HIPK2: variants seen among roughly 807,000 people sequenced by gnomAD.
The protein encoded by HIPK2 is homeodomain interacting protein kinase 2, also known as homeodomain-interacting protein kinase 2.
HIPK2 carries 27 observed loss-of-function variants against 113.7 expected under a neutral mutation model. The observed-to-expected ratio is 0.24, with a 90% confidence interval of 0.17 to 0.33. The LOEUF (loss-of-function observed/expected upper bound fraction) is 0.33. HIPK2 is among the 10% of genes least tolerant of loss of function. The pLI is 1.00. For missense variants in HIPK2, 1,257 were observed against 1,588.0 expected (o/e 0.79, Z 3.54); for synonymous variants, 631 against 642.2 (o/e 0.98, Z 0.26).
intron 2 of HIPK2, among the ~76,000 whole-genome samples, chr7:139,712,221 C>G (rs1569478970): frequency 6.6e-6 from 1 of 152,228 alleles, no homozygotes; most frequent in Non-Finnish European, 1.5e-5. Context: ...GTGGGCTTGC[C>G]TCACAGAATA....
At chr7:139,681,796 G>T (rs1802709604) in intron 2 of HIPK2, among the ~76,000 whole-genome samples, 1 of 152,166 alleles carries the variant, frequency 6.6e-6, no homozygotes, top group African/African-American at 2.4e-5. Context: ...GGTCCATGCA[G>T]CCACCACTGC....
At chr7:139,718,181 A>G (rs146672346) in intron 1 of HIPK2, among the ~76,000 whole-genome samples, 100 of 152,356 alleles carry the variant, frequency 6.6e-4, no homozygotes, top group African/African-American at 2.2e-3. Flanking sequence ...TATTAAGCAA[A>G]AATAATAAGG....
At chr7:139,648,564 T>C (rs74883026) in intron 2 of HIPK2, among the ~76,000 whole-genome samples, 14,311 of 152,200 alleles carry the variant, frequency 0.094, 733 homozygotes, top group Middle Eastern at 0.12. Flanking sequence ...ATAGCATCAA[T>C]AGCTTACATG....
chr7:139,716,531 C>G lies in HIPK2; in HGVS notation c.504G>C (p.Thr168=). ...CGCTGTTTTTGGAGGTGGCAGTAGA[C>G]GTGGTGGCAGTGGCGACAGTGGCCC... is the stretch of plus-strand genomic sequence containing the variant. The part of the protein sequence containing the change: ...ASGATVATAT[T]STATSKNSGS... The change falls in exon 2 of 15, where the codon ACG becomes ACC. Residue 168 remains threonine (T), a synonymous_variant. Transcript: ENST00000406875. This position sits in a 1 kb window ranked among gnomAD's most constrained non-coding sequence, Gnocchi z 9.3. 1 of 1,613,988 alleles carries G rather than the reference C, an allele frequency of 6.2e-7. No homozygotes were observed. The highest frequency in any genetic ancestry group is 8.5e-7 in the Non-Finnish European group (1 of 1,179,880).
chr7:139,747,277 C>T (rs1395188480), intron 1 of HIPK2, among the ~76,000 whole-genome samples: 1 of 152,192 alleles, frequency 6.6e-6, no homozygotes, highest in Non-Finnish European at 1.5e-5. Context: ...TAGCTTTTGA[C>T]AGGCATCTGC....
At chr7:139,749,157 A>C (rs1796239259) in intron 1 of HIPK2, among the ~76,000 whole-genome samples, 1 of 152,214 alleles carries the variant, frequency 6.6e-6, no homozygotes, top group Admixed American at 6.5e-5. Context: ...GATGTGGCAA[A>C]AACAAATGAA....
intron 1 of HIPK2, among the ~76,000 whole-genome samples, chr7:139,739,744 T>C (rs1233689222): frequency 1.3e-5 from 2 of 152,150 alleles, no homozygotes; most frequent in East Asian, 1.9e-4. Context: ...CTGGAAACCA[T>C]GAATCTCTAC....
chr7:139,620,620 C>T (rs1349163522), intron 6 of HIPK2, 57 bp from the exon 7 acceptor site: 4 of 1,590,340 alleles, frequency 2.5e-6, no homozygotes, highest in East Asian at 2.2e-5. Context: ...AAGAGGGTAA[C>T]GTGGGATGAA....
Position 139,575,109 on chromosome 7 carries a change from C to G in HIPK2, c.3126+19G>C. On this transcript the variant is annotated intron_variant, in intron 14 of 14. Coordinates refer to ENST00000406875, the MANE Select transcript of HIPK2 (RefSeq NM_022740.5). ...GATGGGGGCCCTGCCTGGCCTGGGG[C>G]GCCAGCTGTGGGGCTTACCTGGCTG... 1.3e-6 allele frequency: 2 copies of G among 1,577,784 alleles called. No individual in the cohort carries two copies. Among genetic ancestry groups the G allele is most frequent in the Non-Finnish European group, 8.6e-7 (1 of 1,162,616 alleles).
chr7:139,600,132 C>T (rs1025592302), intron 11 of HIPK2, among the ~76,000 whole-genome samples: 3 of 152,132 alleles, frequency 2.0e-5, no homozygotes, highest in East Asian at 1.9e-4. Flanking sequence ...AATTTTCACT[C>T]GCCCACGCTG....
In HIPK2 at chr7:139,575,055, C is replaced by T; in HGVS notation, c.3126+73G>A. ...TGAGGTGGGTGAGGGGCCGCCACAG[C>T]AATCCTCTCTGAAGCGGAAGGATGA... On this transcript the variant is annotated intron_variant, in intron 14 of 14. Coordinates refer to ENST00000406875, the MANE Select transcript of HIPK2 (RefSeq NM_022740.5). 4 of 1,493,300 alleles carry T rather than the reference C, an allele frequency of 2.7e-6. No homozygotes were observed. In the South Asian group the frequency reaches 5.3e-5, roughly 20 times the overall value. 92.5% of individuals were successfully genotyped at this position (1,493,300 alleles called of 1,614,324 possible). A position where few individuals can be genotyped will look rare whatever the true frequency, so the allele number is the denominator to read the frequency against.
intron 2 of HIPK2, among the ~76,000 whole-genome samples, chr7:139,682,173 C>A (rs950926979): frequency 6.6e-6 from 1 of 152,200 alleles, no homozygotes; most frequent in African/African-American, 2.4e-5. Context: ...TATTGCCAAG[C>A]TGTTCAATAT....
In HIPK2 at chr7:139,717,120, A is replaced by G. The variant is rs1054203403; in HGVS notation, c.20-105T>C. The G allele has an allele frequency of 4.5e-5, 60 of 1,347,482 alleles. No individual in the cohort carries two copies. In the Admixed American group the frequency reaches 6.4e-4, roughly 14 times the overall value. The allele number at this position is 1,347,482 out of a possible 1,614,324, so 83.5% of individuals were successfully genotyped here. ...ATCTGTGGCTTGGGCCATACAGAATATATTCCTCCCACTTGAAAACAAGGT... is the reference window on the plus strand; with the variant it reads ...ATCTGTGGCTTGGGCCATACAGAATGTATTCCTCCCACTTGAAAACAAGGT... On this transcript the variant is annotated intron_variant, in intron 1 of 14. Transcript: ENST00000406875.
intron 6 of HIPK2, among the ~76,000 whole-genome samples, chr7:139,621,123 C>T (rs562483985): frequency 1.3e-5 from 2 of 152,310 alleles, no homozygotes; most frequent in East Asian, 3.9e-4. Context: ...GTAATGGAAA[C>T]AGTAATAATA....
intron 2 of HIPK2, among the ~76,000 whole-genome samples, chr7:139,673,188 G>A (rs1320207229): frequency 6.6e-6 from 1 of 151,666 alleles, no homozygotes; most frequent in Non-Finnish European, 1.5e-5. Context: ...CATCTGCTCT[G>A]GGGCCCGTGG....
Position 139,683,422 on chromosome 7 carries a change from G to A in HIPK2, c.1103+32510C>T, listed in dbSNP as rs771233022. 1.3e-5 allele frequency among the ~76,000 whole-genome samples: 2 copies of A among 152,166 alleles called. No individual in the cohort carries two copies. The highest frequency in any genetic ancestry group is 4.8e-5 in the African/African-American group (2 of 41,426). On this transcript the variant is annotated intron_variant, in intron 2 of 14. Transcript: ENST00000406875. The surrounding 1 kb of genome is among the most constrained non-coding windows in gnomAD (Gnocchi z 4.2). Reference sequence around the variant, plus strand: ...TTTCCAAGCTCCCCAAGGCAGCTGCGGTCTGTGAGCCTCAGCTCCTCCCTA... The same window carrying A: ...TTTCCAAGCTCCCCAAGGCAGCTGCAGTCTGTGAGCCTCAGCTCCTCCCTA...
rs191088782 is a variant in HIPK2, at chr7:139,626,249, C to T, written c.1619+352G>A. ...TCCCAAATAGCTGGGATTACAGGTGCGCCCCACCACACCCAGCTGATTTTT... is the reference window on the plus strand; with the variant it reads ...TCCCAAATAGCTGGGATTACAGGTGTGCCCCACCACACCCAGCTGATTTTT... On this transcript the variant is annotated intron_variant, in intron 6 of 14. Coordinates refer to ENST00000406875, the MANE Select transcript of HIPK2 (RefSeq NM_022740.5). Among the ~76,000 whole-genome samples the T allele has an allele frequency of 2.4e-4, 37 of 152,062 alleles. No individual in the cohort carries two copies. The East Asian group carries it at 4.3e-3, about 18-fold the overall frequency.
intron 2 of HIPK2, among the ~76,000 whole-genome samples, chr7:139,699,315 C>A (rs1329888730): frequency 1.3e-5 from 2 of 152,112 alleles, no homozygotes; most frequent in Admixed American, 1.3e-4. Context: ...TATGGCAAAA[C>A]AAACTCAGCA....
chr7:139,680,997 T>C (rs1472792242), intron 2 of HIPK2, among the ~76,000 whole-genome samples: 1 of 152,258 alleles, frequency 6.6e-6, no homozygotes, highest in Non-Finnish European at 1.5e-5. Context: ...TATATTCATC[T>C]TTCCTCTTAG....
Sources: gnomAD v4.1 joint callset for allele counts (sites outside exome capture counted in the v4.1 genomes callset) on GRCh38, gnomAD v4.1.1 for gene constraint, Gnocchi (gnomAD v3.1) non-coding constraint, MANE v1.5 for transcripts, NCBI Gene and HGNC (gene_info 2026-07-23, HGNC 2026-07-21) for gene names.